The following FOXRED2 variants were observed in gnomAD, a reference collection of about 807,000 sequenced individuals.
FOXRED2 encodes FAD-dependent oxidoreductase domain-containing protein 2.
FOXRED2 carries 32 observed loss-of-function variants against 52.5 expected under a neutral mutation model. The ratio of observed to expected loss-of-function variants is 0.61; its 90% CI spans 0.46 to 0.82. The LOEUF (loss-of-function observed/expected upper bound fraction) is 0.82. Among genes scored for constraint, FOXRED2 ranks in the 40% least tolerant of loss-of-function variants. The pLI is 0.00. For synonymous variants in FOXRED2, 405 were observed against 398.1 expected (o/e 1.02, Z -0.21); for missense variants, 848 against 937.5 (o/e 0.90, Z 1.25).
rs1933638259 is a variant in FOXRED2 at position 36,487,557 on chromosome 22, A to G, written c.*2451T>C. On this transcript the variant is annotated 3_prime_UTR_variant, in exon 9 of 9. Transcript: ENST00000397224. ...AAGAATGAGGAAATTAAAAGTTAAA[A>G]TGAAGAACAAAGAACAGGTGAGCTG... is the stretch of plus-strand genomic sequence containing the variant. The G allele has an allele frequency of 1.3e-5, 2 of 152,234 alleles. No homozygotes were observed. Among genetic ancestry groups the G allele is most frequent in the Admixed American group, 1.3e-4 (2 of 15,276 alleles). 9.4% of individuals were successfully genotyped at this position (152,234 alleles called of 1,614,324 possible). A position where few individuals can be genotyped will look rare whatever the true frequency, so the allele number is the denominator to read the frequency against.
chr22:36,506,707 G>A, intron 1 of FOXRED2: 1 of 394,984 alleles, frequency 2.5e-6, no homozygotes, highest in Non-Finnish European at 4.5e-6. Flanking sequence ...TGGGGAAGGA[G>A]AGCGTACTCC....
chr22:36,490,243 G>A lies in FOXRED2; in HGVS notation c.1820C>T (p.Thr607Met), dbSNP rs768963968. ...YAESCFLFAL[T>M]RQKLPPFCQQ... is the part of the protein sequence containing the mutation. ...GCAAAAGGGTGGCAACTTCTGGCGC[G>A]TGAGGGCGAACAGGAAGCAGGACTC... The change falls in exon 9 of 9, where the codon ACG (threonine) becomes ATG (methionine). Residue 607 changes from threonine (T) to methionine (M), a missense_variant. By Grantham distance (81) the Thr-to-Met change is moderately conservative. Coordinates refer to ENST00000397224, the MANE Select transcript of FOXRED2 (RefSeq NM_001102371.2). The A allele has an allele frequency of 6.2e-6, 10 of 1,611,318 alleles. No individual in the cohort carries two copies. Among genetic ancestry groups the A allele is most frequent in the African/African-American group, 2.7e-5 (2 of 75,002 alleles).
chr22:36,497,396 G>A (rs888504828), intron 6 of FOXRED2, among the ~76,000 whole-genome samples: 1 of 152,172 alleles, frequency 6.6e-6, no homozygotes, highest in Admixed American at 6.5e-5. Flanking sequence ...TGTGCAGAAA[G>A]CGGCTGCACT....
Position 36,506,245 on chromosome 22 carries a change from C to T in FOXRED2, c.178G>A (p.Glu60Lys), listed in dbSNP as rs1303724058. 16 of 1,613,114 alleles carry T rather than the reference C, an allele frequency of 9.9e-6. No individual in the cohort carries two copies. Among genetic ancestry groups the T allele is most frequent in the Non-Finnish European group, 1.4e-5 (16 of 1,179,766 alleles). ...QRAGRDYAVF[E>K]RAPRPGSFFT... is the part of the protein sequence containing the mutation. ...AAGCTGCCGGGCCGCGGGGCCCGCT[C>T]GAACACTGCGTAGTCGCGTCCAGCG... The change falls in exon 2 of 9, where the codon GAG becomes AAG. Residue 60 changes from glutamate to lysine, a missense_variant. Coordinates refer to ENST00000397224, the MANE Select transcript of FOXRED2 (RefSeq NM_001102371.2).
intron 5 of FOXRED2, among the ~76,000 whole-genome samples, chr22:36,498,789 C>T (rs185916690): frequency 3.3e-5 from 5 of 152,106 alleles, no homozygotes; most frequent in East Asian, 3.9e-4. Flanking sequence ...CGGCTCACCG[C>T]GACCTCCGCC....
At position 36,505,902 on chromosome 22, in the gene FOXRED2, T is replaced by A; in HGVS notation, c.521A>T (p.Gln174Leu). 1 of 1,611,852 alleles carries A rather than the reference T, an allele frequency of 6.2e-7. No homozygotes were observed. Among genetic ancestry groups the A allele is most frequent in the Non-Finnish European group, 8.5e-7 (1 of 1,178,038 alleles). The change falls in exon 2 of 9, where the codon CAG becomes CTG. Residue 174 changes from glutamine (Q) to leucine (L), a missense_variant. Transcript: ENST00000397224. ...ILTDQKGQVH[Q>L]CSVLFVATGL... ...GCTCTGGCACCGGCCTTACCTGCAC[T>A]GATGCACCTGGCCCTTCTGGTCAGT...
At chr22:36,505,770 T>TAAAA in intron 2 of FOXRED2, 126 bp downstream of exon 2, 5 of 907,430 alleles carry the variant, frequency 5.5e-6, no homozygotes, top group Non-Finnish European at 6.5e-6. Flanking sequence ...GACTCCGTCT[T>TAAAA]AAAAAAAAAA....
intron 5 of FOXRED2, among the ~76,000 whole-genome samples, chr22:36,499,376 G>A (rs963265253): frequency 1.3e-5 from 2 of 152,178 alleles, no homozygotes; most frequent in African/African-American, 4.8e-5. Flanking sequence ...AACACTTTGG[G>A]AGGCTGAGGT....
chr22:36,495,983 A>C lies in FOXRED2; in HGVS notation c.1608T>G (p.Tyr536Ter). 6.2e-7 allele frequency: 1 copy of C among 1,614,220 alleles called. No homozygotes were observed. Among genetic ancestry groups the C allele is most frequent in the East Asian group, 2.2e-5 (1 of 44,894 alleles). ...CCTGCTCACCGGTGGGGAGGTATCTATAGTAGTAGATGACAGGATGAAGAA... is the reference window on the plus strand; with the variant it reads ...CCTGCTCACCGGTGGGGAGGTATCTCTAGTAGTAGATGACAGGATGAAGAA... Reference protein sequence around the residue: ...SNFLHPVIYYYRYLPTEQEVR... With the variant: ...SNFLHPVIYY The change falls in exon 7 of 9, where the codon TAT (tyrosine) becomes TAG (stop). Residue 536 changes from tyrosine (Y) to a stop codon, truncating the protein, a stop_gained. Coordinates refer to ENST00000397224, the MANE Select transcript of FOXRED2 (RefSeq NM_001102371.2). LOFTEE classifies it high-confidence loss of function.
At chr22:36,493,139 C>A (rs920869239) in intron 8 of FOXRED2, among the ~76,000 whole-genome samples, 12 of 152,198 alleles carry the variant, frequency 7.9e-5, no homozygotes, top group African/African-American at 2.9e-4. Context: ...CCCTGCTAAT[C>A]CTTTTGAAAA....
At chr22:36,491,147 G>A (rs1933746166) in intron 8 of FOXRED2, among the ~76,000 whole-genome samples, 1 of 151,674 alleles carries the variant, frequency 6.6e-6, no homozygotes, top group Non-Finnish European at 1.5e-5. Context: ...GGGTGACAGA[G>A]ACTCTGTCTC....
At chr22:36,500,427 T>C (rs973505057) in intron 5 of FOXRED2, among the ~76,000 whole-genome samples, 1 of 152,178 alleles carries the variant, frequency 6.6e-6, no homozygotes, top group African/African-American at 2.4e-5. Context: ...AAATCACAAG[T>C]ATCAATTTTT....
Position 36,496,188 on chromosome 22 carries a change from T to C in FOXRED2, c.1403A>G (p.Tyr468Cys), listed in dbSNP as rs755025655. 1 of 1,613,818 alleles carries C rather than the reference T, an allele frequency of 6.2e-7. No homozygotes were observed. Residue 468 changes from tyrosine (Y) to cysteine (C), a missense_variant, in exon 7 of 9, where the codon TAC (tyrosine) becomes TGC (cysteine). Transcript: ENST00000397224. The part of the protein sequence containing the change: ...LLKENSTAFE[Y>C]LEEFPIQMLA... ...CATCTGTATGGGGAACTCCTCCAGG[T>C]ACTCAAAGGCCGTGGAATTCCTGGG...
At chr22:36,504,843 C>T in intron 2 of FOXRED2, 77 bp from the exon 3 acceptor site, 1 of 1,487,932 alleles carries the variant, frequency 6.7e-7, no homozygotes, top group South Asian at 1.2e-5. Flanking sequence ...TCCCTGGACC[C>T]ACCCACCCAC....
chr22:36,497,573 T>C (rs1387725175), intron 6 of FOXRED2, among the ~76,000 whole-genome samples: 1 of 152,154 alleles, frequency 6.6e-6, no homozygotes, highest in Non-Finnish European at 1.5e-5. Context: ...GTCCATCCTC[T>C]GGGATCTGCT....
intron 7 of FOXRED2, 113 bp downstream of exon 7, chr22:36,495,853 GC>G: frequency 8.3e-7 from 1 of 1,207,670 alleles, no homozygotes; most frequent in Non-Finnish European, 1.2e-6. Context: ...GAGTCCCGCA[GC>G]CATCCCACCT....
chr22:36,506,694 C>A (rs1293768287), intron 1 of FOXRED2: 1 of 417,372 alleles, frequency 2.4e-6, no homozygotes, highest in Non-Finnish European at 4.2e-6. Flanking sequence ...GTAACCTCCA[C>A]CCTGGGGAAG....
intron 2 of FOXRED2, 109 bp downstream of exon 2, chr22:36,505,786 CG>C (rs1330261160): frequency 8.6e-7 from 1 of 1,165,074 alleles, no homozygotes; most frequent in African/African-American, 1.5e-5. Flanking sequence ...AAAAAAAAAG[CG>C]AAATACCCTT....
rs187596430 is a variant in FOXRED2, at chr22:36,492,773, C to T, written c.1795+860G>A. Among the ~76,000 whole-genome samples the T allele has an allele frequency of 3.8e-4, 58 of 152,332 alleles. 1 individual carries two copies. Among genetic ancestry groups the T allele is most frequent in the African/African-American group, 1.3e-3 (53 of 41,580 alleles). On this transcript the variant is annotated intron_variant, in intron 8 of 8. Transcript: ENST00000397224. Reference sequence around the variant, plus strand: ...CCTCAGGTGATCCACCCACCTCGGCCTCCCAAAGTGTTGAGATTACAGGCG... The same window carrying T: ...CCTCAGGTGATCCACCCACCTCGGCTTCCCAAAGTGTTGAGATTACAGGCG...
Sources: gnomAD v4.1 joint callset for allele counts (sites outside exome capture counted in the v4.1 genomes callset) on GRCh38, gnomAD v4.1.1 for gene constraint, MANE v1.5 for transcripts, NCBI Gene and HGNC (gene_info 2026-07-23, HGNC 2026-07-21) for gene names.